CHD9: variants seen among roughly 807,000 people sequenced by gnomAD.
CHD9 encodes ATP-dependent chromatin remodeler CHD9.
CHD9 carries 77 observed loss-of-function variants against 316.1 expected under a neutral mutation model. The observed-to-expected ratio is 0.24, with a 90% CI of 0.20 to 0.29. The LOEUF is 0.29. CHD9 is among the 10% of genes least tolerant of loss of function. The pLI is 1.00. For missense variants in CHD9, 2,763 were observed against 3,438.1 expected, an observed-to-expected ratio of 0.80 and a Z score of 4.91; for synonymous variants, 1,129 against 1,158.3, an observed-to-expected ratio of 0.97 and a Z score of 0.51.
At chr16:53,177,748 A>G (rs1461549634) in intron 2 of CHD9, among the ~76,000 whole-genome samples, 1 of 152,352 alleles carries the variant, frequency 6.6e-6, no homozygotes, top group African/African-American at 2.4e-5. Flanking sequence ...AAAGTTCAAA[A>G]TCAAGCCAGT....
At chr16:53,129,348 G>T (rs903859401) in intron 1 of CHD9, among the ~76,000 whole-genome samples, 4 of 152,176 alleles carry the variant, frequency 2.6e-5, no homozygotes, top group African/African-American at 4.8e-5. Context: ...GTGGTGTGGG[G>T]GGCCCCAGAG....
At chr16:53,145,836 A>G (rs2040529637) in intron 1 of CHD9, among the ~76,000 whole-genome samples, 7 of 152,144 alleles carry the variant, frequency 4.6e-5, no homozygotes, top group Admixed American at 4.6e-4. Flanking sequence ...TCATGAAAAA[A>G]CAATCGTACG....
intron 33 of CHD9, among the ~76,000 whole-genome samples, chr16:53,308,401 A>G (rs1374121081): frequency 6.6e-6 from 1 of 151,508 alleles, no homozygotes; most frequent in Non-Finnish European, 1.5e-5. Context: ...ATAGAGATGT[A>G]TGTCTAAAGT....
intron 1 of CHD9, among the ~76,000 whole-genome samples, chr16:53,150,795 A>G (rs952159263): frequency 6.6e-6 from 1 of 152,138 alleles, no homozygotes; most frequent in African/African-American, 2.4e-5. Context: ...CAAATATTTC[A>G]TGTCAGCACC....
intron 37 of CHD9, 74 bp downstream of exon 37, chr16:53,318,414 A>C: frequency 8.3e-7 from 1 of 1,209,864 alleles, no homozygotes; most frequent in Non-Finnish European, 1.1e-6. Flanking sequence ...CTATTTCATT[A>C]TGTGGTGGTG....
intron 2 of CHD9, among the ~76,000 whole-genome samples, chr16:53,190,069 A>G (rs1257435367): frequency 6.6e-6 from 1 of 152,102 alleles, no homozygotes; most frequent in African/African-American, 2.4e-5. Context: ...CTAGAACAGA[A>G]CCAACAAACT....
intron 22 of CHD9, among the ~76,000 whole-genome samples, chr16:53,272,971 C>A (rs1172264227): frequency 6.6e-6 from 1 of 152,072 alleles, no homozygotes; most frequent in African/African-American, 2.4e-5. Context: ...TGCCTGTAAT[C>A]CCAGCTACTC....
At chr16:53,165,127 A>G (rs992227658) in intron 2 of CHD9, among the ~76,000 whole-genome samples, 2 of 152,226 alleles carry the variant, frequency 1.3e-5, no homozygotes, top group Non-Finnish European at 2.9e-5. Context: ...AAGAAGTTTG[A>G]AATAAAGCTT....
At chr16:53,168,497 A>G (rs2042434889) in intron 2 of CHD9, 1 of 152,186 alleles carries the variant, frequency 6.6e-6, no homozygotes, top group South Asian at 2.1e-4. Context: ...GTTGAGAGGG[A>G]AAGTAACCTC....
chr16:53,234,125 G>A (rs899721243), intron 10 of CHD9, among the ~76,000 whole-genome samples: 1 of 152,104 alleles, frequency 6.6e-6, no homozygotes, highest in Admixed American at 6.6e-5. Flanking sequence ...TATTTTGGAT[G>A]CTATTATAAA....
intron 1 of CHD9, among the ~76,000 whole-genome samples, chr16:53,094,261 C>A (rs2036198144): frequency 1.3e-5 from 2 of 152,190 alleles, no homozygotes; most frequent in Admixed American, 1.3e-4. Flanking sequence ...CAGCATCCGC[C>A]TAGTCTGGGC....
At chr16:53,134,399 C>T (rs1051079296) in intron 1 of CHD9, among the ~76,000 whole-genome samples, 1 of 152,120 alleles carries the variant, frequency 6.6e-6, no homozygotes, top group African/African-American at 2.4e-5. Flanking sequence ...TTTAAAGTGC[C>T]ACATTCCAGT....
intron 1 of CHD9, among the ~76,000 whole-genome samples, chr16:53,064,927 C>CCATT (rs2033348716): frequency 1.3e-5 from 2 of 152,032 alleles, no homozygotes. Flanking sequence ...TGAGATCGCA[C>CCATT]CATTGCACTC....
At chr16:53,117,157 G>A (rs1043309932) in intron 1 of CHD9, among the ~76,000 whole-genome samples, 14 of 152,042 alleles carry the variant, frequency 9.2e-5, no homozygotes, top group Admixed American at 2.0e-4. Context: ...GTCGATAGGT[G>A]TAGCAAACCA....
intron 24 of CHD9, among the ~76,000 whole-genome samples, chr16:53,283,227 A>G (rs1035562948): frequency 6.6e-6 from 1 of 152,194 alleles, no homozygotes; most frequent in Non-Finnish European, 1.5e-5. Flanking sequence ...ACAGTATTGC[A>G]TGTCCATCTT....
intron 1 of CHD9, among the ~76,000 whole-genome samples, chr16:53,055,584 C>A (rs1469063941): frequency 6.6e-6 from 1 of 151,444 alleles, no homozygotes; most frequent in Non-Finnish European, 1.5e-5. Flanking sequence ...CAGCTGGCAG[C>A]CAAATTTGAG....
chr16:53,305,115 G>A (rs1445882459), intron 31 of CHD9, among the ~76,000 whole-genome samples: 1 of 152,054 alleles, frequency 6.6e-6, no homozygotes, highest in Non-Finnish European at 1.5e-5. Context: ...AGGCTGGAGT[G>A]CAATGGCACG....
chr16:53,101,856 C>T (rs2036911939), intron 1 of CHD9, among the ~76,000 whole-genome samples: 1 of 152,130 alleles, frequency 6.6e-6, no homozygotes, highest in Non-Finnish European at 1.5e-5. Flanking sequence ...AAGTGAAAAT[C>T]AAGTGGTGTC....
At chr16:53,095,608 G>T (rs1338850869) in intron 1 of CHD9, among the ~76,000 whole-genome samples, 2 of 152,112 alleles carry the variant, frequency 1.3e-5, no homozygotes, top group Non-Finnish European at 2.9e-5. Context: ...AGCTTTCTTG[G>T]GTATACTTTT....
Sources: allele counts gnomAD v4.1 joint callset (sites outside exome capture counted in the v4.1 genomes callset), GRCh38; gene constraint gnomAD v4.1.1; transcripts MANE v1.5; gene names NCBI Gene and HGNC (gene_info 2026-07-23, HGNC 2026-07-21).